Variants in DNAJC6 observed in about 807,000 individuals in gnomAD.
The protein encoded by DNAJC6 is DnaJ heat shock protein family (Hsp40) member C6, also known as auxilin.
Under a neutral mutation model 110.0 loss-of-function variants are expected in DNAJC6, and 34 were observed. The observed-to-expected ratio is 0.31, with a 90% CI of 0.24 to 0.41. DNAJC6 has a LOEUF of 0.41. Ranked by LOEUF, DNAJC6 falls within the 10% of genes least tolerant of loss-of-function variation. DNAJC6 has a pLI of 1.00. For synonymous variants in DNAJC6, 406 were observed against 437.2 expected, an observed-to-expected ratio of 0.93 and a Z score of 0.89; for missense variants, 1,031 against 1,207.8, an observed-to-expected ratio of 0.85 and a Z score of 2.17.
intron 16 of DNAJC6, among the ~76,000 whole-genome samples, chr1:65,406,997 G>A (rs1169228646): frequency 6.6e-6 from 1 of 152,102 alleles, no homozygotes; most frequent in Non-Finnish European, 1.5e-5. Context: ...TCATGTACAG[G>A]CATCCCCCTT....
intron 1 of DNAJC6, among the ~76,000 whole-genome samples, chr1:65,275,155 T>A (rs1653627918): frequency 6.6e-6 from 1 of 152,232 alleles, no homozygotes; most frequent in East Asian, 1.9e-4. Context: ...ACCCACATAT[T>A]TACCCTATTC....
chr1:65,353,369 A>T (rs1392533241), intron 1 of DNAJC6, among the ~76,000 whole-genome samples: 1 of 151,990 alleles, frequency 6.6e-6, no homozygotes, highest in Non-Finnish European at 1.5e-5. Context: ...CCTTATTTAG[A>T]CCCCTTTTCC....
At chr1:65,274,383 C>T (rs556372018) in intron 1 of DNAJC6, among the ~76,000 whole-genome samples, 1 of 152,182 alleles carries the variant, frequency 6.6e-6, no homozygotes, top group South Asian at 2.1e-4. Flanking sequence ...GTGGTGTGAT[C>T]TTGGCTCACT....
At chr1:65,288,763 G>T (rs552113464) in intron 1 of DNAJC6, among the ~76,000 whole-genome samples, 34 of 152,112 alleles carry the variant, frequency 2.2e-4, no homozygotes, top group Non-Finnish European at 3.7e-4. Context: ...TGTATAAATG[G>T]AATCATTTAG....
chr1:65,278,582 T>A (rs1315739245), intron 1 of DNAJC6, among the ~76,000 whole-genome samples: 1 of 152,220 alleles, frequency 6.6e-6, no homozygotes, highest in Non-Finnish European at 1.5e-5. Context: ...TGAAAATTCC[T>A]GGAGCTCAGC....
In DNAJC6 at chr1:65,388,535, C is replaced by T. The variant is rs1308906124; in HGVS notation, c.1193+120C>T. On this transcript the variant is annotated intron_variant, in intron 9 of 18. Transcript: ENST00000371069. Reference sequence around the variant, plus strand: ...TGTGCTGCTGAACTACTGAGTGTCACTCAGTAGCACAGAGAGGCTGTGGGC... The same window carrying T: ...TGTGCTGCTGAACTACTGAGTGTCATTCAGTAGCACAGAGAGGCTGTGGGC... 5.7e-6 allele frequency: 5 copies of T among 869,648 alleles called. No homozygotes were observed. In the East Asian group the frequency reaches 1.2e-4, roughly 22 times the overall value. The allele number at this position is 869,648 out of a possible 1,614,324, so 53.9% of individuals were successfully genotyped here.
At chr1:65,311,803 TTATTA>T (rs1443813282) in intron 1 of DNAJC6, among the ~76,000 whole-genome samples, 1 of 152,172 alleles carries the variant, frequency 6.6e-6, no homozygotes, top group Non-Finnish European at 1.5e-5. Context: ...TTCATAGGGA[TTATTA>T]TTTTAAGAGT....
At chr1:65,331,555 G>T (rs942942225) in intron 1 of DNAJC6, among the ~76,000 whole-genome samples, 1 of 152,202 alleles carries the variant, frequency 6.6e-6, no homozygotes, top group African/African-American at 2.4e-5. Context: ...TTATCTTAGT[G>T]CACTGGAGCC....
rs1262741318 is a variant in DNAJC6, at chr1:65,392,628, C to G, written c.1666C>G (p.Leu556Val). The G allele has an allele frequency of 6.2e-7, 1 of 1,613,678 alleles. No individual in the cohort carries two copies. Among genetic ancestry groups the G allele is most frequent in the Admixed American group, 1.7e-5 (1 of 59,938 alleles). ...CCCTCCACCCCCTGAGGATGTGGACCTTTTGGGCCTGGAAGGGTCTGCAAT... is the reference window on the plus strand; with the variant it reads ...CCCTCCACCCCCTGAGGATGTGGACGTTTTGGGCCTGGAAGGGTCTGCAAT... ...AAPPPPEDVD[L>V]LGLEGSAMSN... is the part of the protein sequence containing the mutation. Residue 556 changes from leucine (L) to valine (V), a missense_variant, in exon 12 of 19, where the codon CTT becomes GTT. Physicochemically the swap from Leu to Val is conservative, Grantham distance 32. Coordinates refer to ENST00000371069, the MANE Select transcript of DNAJC6 (RefSeq NM_001256864.2).
At chr1:65,351,429 T>A (rs1645489041) in intron 1 of DNAJC6, among the ~76,000 whole-genome samples, 1 of 152,206 alleles carries the variant, frequency 6.6e-6, no homozygotes, top group Non-Finnish European at 1.5e-5. Flanking sequence ...ATTTTAGAAC[T>A]GCTGATGTAA....
At chr1:65,291,866 G>C (rs766898660) in intron 1 of DNAJC6, among the ~76,000 whole-genome samples, 2 of 152,114 alleles carry the variant, frequency 1.3e-5, no homozygotes, top group Non-Finnish European at 2.9e-5. Context: ...ACCCAGATCT[G>C]TGTTTTTGCA....
At chr1:65,272,979 A>G (rs963170660) in intron 1 of DNAJC6, among the ~76,000 whole-genome samples, 4 of 152,104 alleles carry the variant, frequency 2.6e-5, no homozygotes, top group African/African-American at 9.7e-5. Flanking sequence ...GATCTTTAAA[A>G]TGTTTTTAGG....
chr1:65,361,465 A>G (rs1191633644), intron 1 of DNAJC6, among the ~76,000 whole-genome samples: 1 of 152,196 alleles, frequency 6.6e-6, no homozygotes, highest in Non-Finnish European at 1.5e-5. Flanking sequence ...ATGAACATCT[A>G]AGTGGCATGT....
intron 1 of DNAJC6, among the ~76,000 whole-genome samples, chr1:65,321,415 C>T (rs1041628170): frequency 7.4e-4 from 45 of 60,964 alleles, no homozygotes; most frequent in African/African-American, 1.8e-3. Context: ...TTGCCCAGGA[C>T]GGTCTTGAGA....
At chr1:65,380,904 G>A (rs964434031) in intron 5 of DNAJC6, among the ~76,000 whole-genome samples, 1 of 107,034 alleles carries the variant, frequency 9.3e-6, no homozygotes. Context: ...TTTTTTTTTT[G>A]TTTTTTGTTT....
chr1:65,382,198 C>G (rs1273001040), intron 5 of DNAJC6, among the ~76,000 whole-genome samples: 1 of 152,198 alleles, frequency 6.6e-6, no homozygotes, highest in African/African-American at 2.4e-5. Flanking sequence ...GAGCACATAT[C>G]AAACCAACAG....
rs796797174 is a variant in DNAJC6, at chr1:65,380,916, G to GTTTTTTTTTTTTTTTTTTT, written c.666+1396_666+1397insTTTTTTTTTTTTTTTTTTT. 1.8e-3 allele frequency among the ~76,000 whole-genome samples: 172 copies of GTTTTTTTTTTTTTTTTTTT among 93,516 alleles called. 25 individuals are homozygous for GTTTTTTTTTTTTTTTTTTT. The highest frequency in any genetic ancestry group is 0.011 in the African/African-American group (163 of 15,040). The allele number at this position is 93,516 out of a possible 152,430, so 61.4% of individuals were successfully genotyped here. A position where few individuals can be genotyped will look rare whatever the true frequency, so the allele number is the denominator to read the frequency against. On this transcript the variant is annotated intron_variant, in intron 5 of 18. Coordinates refer to ENST00000371069, the MANE Select transcript of DNAJC6 (RefSeq NM_001256864.2). ...TTTTTTTTTTTTTGTTTTTTGTTTT[G>GTTTTTTTTTTTTTTTTTTT]TTTTGTTTTTTTTTTTTTTTTGGGA...
upstream of DNAJC6, chr1:65,309,520 T>C (rs1370636999): frequency 2.7e-5 from 22 of 809,576 alleles, no homozygotes; most frequent in South Asian, 1.7e-4. Context: ...TCTCCTTCCC[T>C]CCCTCCCTCC....
intron 9 of DNAJC6, 46 bp downstream of exon 9, chr1:65,388,461 TGAAGTGCTGAGGCTC>T: frequency 6.4e-7 from 1 of 1,567,864 alleles, no homozygotes; most frequent in South Asian, 1.1e-5. Context: ...AAATTAGCTG[TGAAGTGCTGAGGCTC>T]AATGGCACCA....
Sources: allele counts gnomAD v4.1 joint callset (sites outside exome capture counted in the v4.1 genomes callset), GRCh38; gene constraint gnomAD v4.1.1; transcripts MANE v1.5; gene names NCBI Gene and HGNC (gene_info 2026-07-23, HGNC 2026-07-21).